RSU1: variants seen among roughly 807,000 people sequenced by gnomAD.
The protein encoded by RSU1 is rsu-1.
Under a neutral mutation model 31.1 loss-of-function variants are expected in RSU1, and 26 were observed. The observed-to-expected ratio is 0.84, with a 90% confidence interval of 0.61 to 1.16. The LOEUF is 1.16. Among genes scored for constraint, RSU1 ranks in the 50% most tolerant of loss-of-function variants. The pLI is 0.00. For synonymous variants in RSU1, 164 were observed against 136.3 expected (o/e 1.20, Z -1.41); for missense variants, 320 against 339.1 (o/e 0.94, Z 0.44).
At chr10:16,670,695 G>A (rs555028985) in intron 8 of RSU1, among the ~76,000 whole-genome samples, 2 of 152,210 alleles carry the variant, frequency 1.3e-5, no homozygotes, top group East Asian at 3.9e-4. Flanking sequence ...CATCTTTCAT[G>A]CTCCCTGCTT....
At chr10:16,701,296 G>C (rs1835788108) in intron 7 of RSU1, among the ~76,000 whole-genome samples, 1 of 152,160 alleles carries the variant, frequency 6.6e-6, no homozygotes, top group African/African-American at 2.4e-5. Context: ...CACGCTTGTG[G>C]CCCATTCTCT....
At chr10:16,627,111 G>A (rs1314529720) in intron 8 of RSU1, among the ~76,000 whole-genome samples, 29 of 152,190 alleles carry the variant, frequency 1.9e-4, no homozygotes, top group Admixed American at 1.9e-3. Context: ...CTGACAGGAC[G>A]ACCAGTTCTA....
intron 2 of RSU1, among the ~76,000 whole-genome samples, chr10:16,792,819 A>C (rs1208014803): frequency 6.6e-6 from 1 of 152,214 alleles, no homozygotes; most frequent in Non-Finnish European, 1.5e-5. Context: ...GGTGGACTAG[A>C]AACAGCCACA....
chr10:16,803,741 T>G (rs572539290), intron 2 of RSU1, among the ~76,000 whole-genome samples: 1 of 152,160 alleles, frequency 6.6e-6, no homozygotes, highest in Non-Finnish European at 1.5e-5. Context: ...AAGGAGTCTT[T>G]TCAACAAACG....
chr10:16,705,629 C>CA (rs1344491709), intron 7 of RSU1, among the ~76,000 whole-genome samples: 3 of 152,110 alleles, frequency 2.0e-5, no homozygotes, highest in African/African-American at 7.2e-5. Flanking sequence ...GCTGAGACTA[C>CA]AGGCGAGTGC....
intron 8 of RSU1, among the ~76,000 whole-genome samples, chr10:16,612,830 GA>G (rs1833916322): frequency 6.6e-6 from 1 of 152,166 alleles, no homozygotes; most frequent in Non-Finnish European, 1.5e-5. Flanking sequence ...GATTCTTAAG[GA>G]AATGCATCAG....
intron 2 of RSU1, among the ~76,000 whole-genome samples, chr10:16,810,516 C>G (rs11254214): frequency 6.6e-6 from 1 of 152,060 alleles, no homozygotes; most frequent in African/African-American, 2.4e-5. Flanking sequence ...TGTGTGGCAA[C>G]GGCTGTTCCT....
rs549083728 is a variant in RSU1, at chr10:16,670,507, C to A, written c.731+24516G>T. The stretch of plus-strand genomic sequence containing the variant: ...TGGGCTGCACCATAATGAGGGGTTG[C>A]CAGGCTGGTGACTAATCAAAGCAGG... On this transcript the variant is annotated intron_variant, in intron 8 of 8. Coordinates refer to ENST00000345264, the MANE Select transcript of RSU1 (RefSeq NM_012425.4). Among the ~76,000 whole-genome samples, 45 of 152,268 alleles carry A rather than the reference C, an allele frequency of 3.0e-4. 2 individuals carry two copies. In the South Asian group the frequency reaches 8.9e-3, roughly 30 times the overall value.
chr10:16,701,233 A>G (rs1305692544), intron 7 of RSU1, among the ~76,000 whole-genome samples: 3 of 152,228 alleles, frequency 2.0e-5, no homozygotes, highest in African/African-American at 2.4e-5. Context: ...GTGCACACTA[A>G]TTGGTACAAA....
chr10:16,791,520 T>G (rs1837912404), intron 2 of RSU1, among the ~76,000 whole-genome samples: 1 of 151,432 alleles, frequency 6.6e-6, no homozygotes, highest in African/African-American at 2.4e-5. Context: ...TCCCAGCTAC[T>G]TGGGAGGCTG....
At chr10:16,655,778 T>C (rs1342255452) in intron 8 of RSU1, among the ~76,000 whole-genome samples, 3 of 152,220 alleles carry the variant, frequency 2.0e-5, no homozygotes, top group African/African-American at 7.2e-5. Flanking sequence ...TAGCAGCACA[T>C]ATTTTAAATT....
Position 16,749,738 on chromosome 10 carries a change from T to G in RSU1, c.598+2801A>C, listed in dbSNP as rs141527975. ...TTTGTCTTGCAGAGGCCATCTCAGC[T>G]GCGTTTTGCAAAGTGTTATGCTAGC... On this transcript the variant is annotated intron_variant, in intron 7 of 8. Transcript: ENST00000345264. Among the ~76,000 whole-genome samples, 769 of 152,310 alleles carry G rather than the reference T, an allele frequency of 5.0e-3. 9 individuals carry two copies. Among genetic ancestry groups the G allele is most frequent in the African/African-American group, 0.017 (698 of 41,572 alleles).
chr10:16,796,720 G>T (rs7069089), intron 2 of RSU1, among the ~76,000 whole-genome samples: 4,080 of 147,426 alleles, frequency 0.028, 123 homozygotes, highest in East Asian at 0.082. Context: ...AGGAAAAAGT[G>T]TAGGTGCAGG....
intron 7 of RSU1, among the ~76,000 whole-genome samples, chr10:16,733,447 G>A (rs1836558496): frequency 6.6e-6 from 1 of 151,922 alleles, no homozygotes; most frequent in African/African-American, 2.4e-5. Flanking sequence ...GGCAGAGGGT[G>A]CAGTGAAGTG....
chr10:16,641,782 A>G (rs1379981069), intron 8 of RSU1, among the ~76,000 whole-genome samples: 2 of 152,146 alleles, frequency 1.3e-5, no homozygotes, highest in Non-Finnish European at 2.9e-5. Context: ...AGTCGTGCCC[A>G]CTTTCACAGC....
At chr10:16,785,431 T>TATATATATACACATATGTACATATATAC (rs1837759463) in intron 2 of RSU1, among the ~76,000 whole-genome samples, 1 of 128,006 alleles carries the variant, frequency 7.8e-6, no homozygotes, top group Non-Finnish European at 1.5e-5. Context: ...TATATACATA[T>TATATATATACACATATGTACATATATAC]ATATATATAC....
At chr10:16,642,378 A>G (rs999173213) in intron 8 of RSU1, among the ~76,000 whole-genome samples, 4 of 152,174 alleles carry the variant, frequency 2.6e-5, no homozygotes, top group African/African-American at 9.7e-5. Context: ...AACTGCACCA[A>G]TGCCAGCTTC....
intron 8 of RSU1, among the ~76,000 whole-genome samples, chr10:16,675,865 T>G (rs1030558359): frequency 1.3e-5 from 2 of 152,224 alleles, no homozygotes; most frequent in African/African-American, 4.8e-5. Context: ...GATGCTAATA[T>G]GATTTTCCAC....
chr10:16,737,337 C>A (rs1464227323), intron 7 of RSU1, among the ~76,000 whole-genome samples: 1 of 151,530 alleles, frequency 6.6e-6, no homozygotes, highest in Non-Finnish European at 1.5e-5. Flanking sequence ...ACTGCTAAAA[C>A]CCAATGATAA....
Sources: gnomAD v4.1 joint callset for allele counts (sites outside exome capture counted in the v4.1 genomes callset) on GRCh38, gnomAD v4.1.1 for gene constraint, MANE v1.5 for transcripts, NCBI Gene and HGNC (gene_info 2026-07-23, HGNC 2026-07-21) for gene names.